Variants in IL1RAP observed in about 807,000 individuals in gnomAD.
IL1RAP encodes interleukin-1 receptor accessory protein.
IL1RAP carries 35 observed loss-of-function variants against 60.7 expected under a neutral mutation model. That is an observed-to-expected ratio of 0.58 (90% CI 0.44 to 0.76). The LOEUF (loss-of-function observed/expected upper bound fraction) is 0.76. Among genes scored for constraint, IL1RAP ranks in the 30% least tolerant of loss-of-function variants. The pLI, the probability that IL1RAP is intolerant of heterozygous loss-of-function variation, is 0.00. For missense variants in IL1RAP, 572 were observed against 693.9 expected (o/e 0.82, Z 1.97); for synonymous variants, 268 against 250.9 (o/e 1.07, Z -0.64).
intron 6 of IL1RAP, among the ~76,000 whole-genome samples, chr3:190,620,984 G>C (rs566113290): frequency 6.6e-4 from 101 of 152,268 alleles, no homozygotes; most frequent in African/African-American, 2.3e-3. Context: ...TGCACTAAGA[G>C]AATAGGGGGT....
Position 190,650,725 on chromosome 3 carries a change from A to T in IL1RAP, c.*2020A>T. ...GGATCTACTTTTTTTTAGCCTTATT[A>T]ATATTTTTCCCTATTAGAAACCACA... On this transcript the variant is annotated 3_prime_UTR_variant, in exon 12 of 12. Transcript: ENST00000447382. 1 of 981,472 alleles carries T rather than the reference A, an allele frequency of 1.0e-6. No individual in the cohort carries two copies. The highest frequency in any genetic ancestry group is 1.2e-6 in the Non-Finnish European group (1 of 826,324). The allele number at this position is 981,472 out of a possible 1,614,324, so 60.8% of individuals were successfully genotyped here. A position where few individuals can be genotyped will look rare whatever the true frequency, so the allele number is the denominator to read the frequency against.
chr3:190,614,178 C>T (rs1460666368), intron 5 of IL1RAP, among the ~76,000 whole-genome samples: 1 of 150,496 alleles, frequency 6.6e-6, no homozygotes, highest in Non-Finnish European at 1.5e-5. Context: ...ATCTTTTAAT[C>T]CTCATAGACT....
chr3:190,656,265 A>C (rs569582596), downstream of IL1RAP: 29 of 1,537,054 alleles, frequency 1.9e-5, no homozygotes, highest in South Asian at 3.1e-4. Flanking sequence ...AAAGGAGGAG[A>C]AGTCGTTTGA....
chr3:190,628,314 T>G (rs950564694), intron 8 of IL1RAP, among the ~76,000 whole-genome samples: 3 of 152,202 alleles, frequency 2.0e-5, no homozygotes, highest in African/African-American at 7.2e-5. Flanking sequence ...TTTTAGGAAT[T>G]TTTAACACTT....
rs566694340 is a variant in IL1RAP at position 190,598,760 on chromosome 3, G to A, written c.65-5368G>A. On this transcript the variant is annotated intron_variant, in intron 3 of 11. Transcript: ENST00000447382. The stretch of plus-strand genomic sequence containing the variant: ...TTATCTTTTGTGTAGTCAACCCAAG[G>A]CATTATCTTTTCACTTTTTTCATTA... Among the ~76,000 whole-genome samples the A allele has an allele frequency of 3.3e-5, 5 of 151,946 alleles. No individual in the cohort carries two copies. The South Asian group carries it at 1.0e-3, about 32-fold the overall frequency.
At chr3:190,634,707 G>GTTTTTTTTTTGTTT (rs1733056790) in intron 9 of IL1RAP, among the ~76,000 whole-genome samples, 8 of 134,714 alleles carry the variant, frequency 5.9e-5, no homozygotes, top group African/African-American at 2.4e-4. Context: ...GGCCTGTTGT[G>GTTTTTTTTTTGTTT]TTTTTTTTTT....
chr3:190,555,149 A>C (rs2108602312), intron 1 of IL1RAP, among the ~76,000 whole-genome samples: 1 of 152,326 alleles, frequency 6.6e-6, no homozygotes, highest in East Asian at 1.9e-4. Flanking sequence ...TATGCTGGGA[A>C]AAGTAATTAA....
intron 1 of IL1RAP, among the ~76,000 whole-genome samples, chr3:190,553,875 A>T (rs1314039862): frequency 1.3e-5 from 2 of 151,596 alleles, no homozygotes; most frequent in South Asian, 4.2e-4. Flanking sequence ...CCCGGCTAAA[A>T]ACGGTGAAAC....
downstream of IL1RAP, among the ~76,000 whole-genome samples, chr3:190,654,022 T>C (rs570777403): frequency 6.6e-6 from 1 of 152,230 alleles, no homozygotes; most frequent in African/African-American, 2.4e-5. Flanking sequence ...AATCTAAACT[T>C]CCTCACTTTC....
intron 4 of IL1RAP, 29 bp downstream of exon 4, chr3:190,604,442 C>T: frequency 6.3e-7 from 1 of 1,599,730 alleles, no homozygotes. Context: ...GTGGCTTTCT[C>T]TTTTCCCTTT....
chr3:190,578,195 A>G lies in IL1RAP; in HGVS notation c.64+13842A>G, dbSNP rs541059358. ...TCTAAAATGAAAGTTGAAATGAAAA[A>G]TAATTCAAAAATGAAATTACTTATT... On this transcript the variant is annotated intron_variant, in intron 3 of 11. Coordinates refer to ENST00000447382, the MANE Select transcript of IL1RAP (RefSeq NM_002182.4). Among the ~76,000 whole-genome samples, 15 of 152,346 alleles carry G rather than the reference A, an allele frequency of 9.8e-5. No individual in the cohort carries two copies. In the South Asian group the frequency reaches 2.9e-3, roughly 29 times the overall value.
intron 1 of IL1RAP, among the ~76,000 whole-genome samples, chr3:190,547,597 A>G (rs1445347554): frequency 2.6e-5 from 4 of 152,150 alleles, no homozygotes; most frequent in African/African-American, 9.7e-5. Context: ...AAAAGTGGGG[A>G]TTGGAGCAGT....
intron 1 of IL1RAP, among the ~76,000 whole-genome samples, chr3:190,553,441 T>A (rs190690284): frequency 1.5e-4 from 23 of 151,802 alleles, no homozygotes; most frequent in Non-Finnish European, 2.1e-4. Context: ...AAGAAAAAAA[T>A]TTTTTTTAAT....
chr3:190,646,133 T>G (rs1378058101), intron 11 of IL1RAP, among the ~76,000 whole-genome samples: 5 of 152,252 alleles, frequency 3.3e-5, no homozygotes, highest in Non-Finnish European at 4.4e-5. Flanking sequence ...GTAAACATCC[T>G]GTTTATTCAC....
chr3:190,612,663 A>C (rs558090452), intron 5 of IL1RAP, among the ~76,000 whole-genome samples: 2 of 152,296 alleles, frequency 1.3e-5, no homozygotes, highest in Non-Finnish European at 2.9e-5. Flanking sequence ...CAACTTGATC[A>C]TGGGTTTATT....
intron 1 of IL1RAP, among the ~76,000 whole-genome samples, chr3:190,541,360 G>A (rs1322835154): frequency 6.6e-6 from 1 of 152,102 alleles, no homozygotes; most frequent in Non-Finnish European, 1.5e-5. Context: ...CAAAGTAAAT[G>A]CTCTGAGAAA....
chr3:190,530,775 T>C (rs902152562), intron 1 of IL1RAP, among the ~76,000 whole-genome samples: 1 of 152,226 alleles, frequency 6.6e-6, no homozygotes, highest in Non-Finnish European at 1.5e-5. Context: ...GGGGCTTTAC[T>C]GAGTGGTAAC....
chr3:190,569,120 TGGAAA>T (rs925568320), intron 3 of IL1RAP, among the ~76,000 whole-genome samples: 2 of 152,210 alleles, frequency 1.3e-5, no homozygotes, highest in Non-Finnish European at 2.9e-5. Context: ...GAAGCCAAGC[TGGAAA>T]GGTAGGTTGG....
chr3:190,514,955 G>A (rs1721382372), intron 1 of IL1RAP, among the ~76,000 whole-genome samples: 1 of 152,212 alleles, frequency 6.6e-6, no homozygotes, highest in South Asian at 2.1e-4. Context: ...CAAGGAAGCT[G>A]AGTTAAAGAG....
Sources: gnomAD v4.1 joint callset for allele counts (sites outside exome capture counted in the v4.1 genomes callset) on GRCh38, gnomAD v4.1.1 for gene constraint, MANE v1.5 for transcripts, NCBI Gene and HGNC (gene_info 2026-07-23, HGNC 2026-07-21) for gene names.